RASGRF1: variants seen among roughly 807,000 people sequenced by gnomAD.
RASGRF1 encodes Ras protein specific guanine nucleotide releasing factor 1.
RASGRF1 carries 40 observed loss-of-function variants against 138.7 expected under a neutral mutation model. The ratio of observed to expected loss-of-function variants is 0.29; its 90% CI spans 0.22 to 0.38. The LOEUF (loss-of-function observed/expected upper bound fraction) is 0.38, where lower values mean the gene tolerates loss of function less well. RASGRF1 is among the 10% of genes least tolerant of loss of function. RASGRF1 has a pLI of 1.00. For missense variants in RASGRF1, 1,108 were observed against 1,650.4 expected (o/e 0.67, Z 5.69); for synonymous variants, 614 against 663.2 (o/e 0.93, Z 1.14).
intron 20 of RASGRF1, 72 bp downstream of exon 20, chr15:78,995,668 G>T: frequency 1.3e-6 from 2 of 1,537,262 alleles, no homozygotes; most frequent in African/African-American, 1.4e-5. Flanking sequence ...TGATGCCTGT[G>T]ATGGGTCAGG....
Position 79,006,443 on chromosome 15 carries a change from G to T in RASGRF1, c.1827-9C>A. 1 of 1,607,640 alleles carries T rather than the reference G, an allele frequency of 6.2e-7. No individual in the cohort carries two copies. The highest frequency in any genetic ancestry group is 8.5e-7 in the Non-Finnish European group (1 of 1,177,872). The stretch of plus-strand genomic sequence containing the variant: ...ATAAGGAGGCGTCGGACCTGAGAGG[G>T]GAGGAAGGATGCAGAGGTGATGTGG... On this transcript the variant is annotated splice_polypyrimidine_tract_variant and intron_variant, in intron 13 of 26. Transcript: ENST00000558480. The surrounding 1 kb of genome is among the most constrained non-coding windows in gnomAD (Gnocchi z 4.0).
At chr15:79,075,524 TG>T (rs1362023179) in intron 1 of RASGRF1, among the ~76,000 whole-genome samples, 1 of 152,188 alleles carries the variant, frequency 6.6e-6, no homozygotes, top group Non-Finnish European at 1.5e-5. Context: ...AAGCTGGGGC[TG>T]GGGGCTTGAA....
intron 13 of RASGRF1, among the ~76,000 whole-genome samples, chr15:79,007,761 C>T (rs1395691532): frequency 6.6e-6 from 1 of 152,022 alleles, no homozygotes; most frequent in Non-Finnish European, 1.5e-5. Flanking sequence ...CCATGTTGCC[C>T]AGGCTGGTCT....
intron 24 of RASGRF1, among the ~76,000 whole-genome samples, chr15:78,974,496 T>C (rs1462249019): frequency 6.6e-6 from 1 of 152,188 alleles, no homozygotes; most frequent in Admixed American, 6.5e-5. Context: ...TCTTTCCCTC[T>C]CTGGTCCTCA....
intron 1 of RASGRF1, among the ~76,000 whole-genome samples, chr15:79,069,535 T>C (rs527729605): frequency 7.2e-5 from 11 of 152,364 alleles, no homozygotes; most frequent in African/African-American, 2.6e-4. Flanking sequence ...TGCCAACCAA[T>C]TTCCCATCTT....
chr15:78,995,610 C>T, intron 20 of RASGRF1, 130 bp downstream of exon 20: 1 of 1,161,888 alleles, frequency 8.6e-7, no homozygotes, highest in Non-Finnish European at 1.3e-6. Flanking sequence ...TTTTAAGCCG[C>T]CCAGTTTGTG....
chr15:79,076,153 A>G (rs939153600), intron 1 of RASGRF1, among the ~76,000 whole-genome samples: 1 of 152,188 alleles, frequency 6.6e-6, no homozygotes, highest in African/African-American at 2.4e-5. Context: ...TTCTCAACTC[A>G]TATCATAATG....
intron 13 of RASGRF1, among the ~76,000 whole-genome samples, chr15:79,010,523 G>A (rs1489149710): frequency 1.3e-5 from 2 of 152,208 alleles, no homozygotes; most frequent in Non-Finnish European, 2.9e-5. Context: ...TGACTGGCTT[G>A]AGTGCCAGAT....
At chr15:78,984,118 G>C (rs1470854214) in intron 23 of RASGRF1, among the ~76,000 whole-genome samples, 2 of 152,166 alleles carry the variant, frequency 1.3e-5, no homozygotes, top group Admixed American at 6.5e-5. Context: ...AGAACAATGA[G>C]GGGGACACAG....
chr15:79,051,816 T>C (rs1361193770), intron 3 of RASGRF1, among the ~76,000 whole-genome samples: 2 of 151,938 alleles, frequency 1.3e-5, no homozygotes, highest in South Asian at 2.1e-4. Context: ...CTCTGGAGGG[T>C]TGCAAGCCTG....
intron 1 of RASGRF1, among the ~76,000 whole-genome samples, chr15:79,070,340 T>A (rs1398047577): frequency 2.0e-5 from 3 of 152,032 alleles, no homozygotes; most frequent in Non-Finnish European, 4.4e-5. Context: ...AGCATATAAC[T>A]GGGAAAAAAG....
At chr15:79,003,737 G>A in intron 15 of RASGRF1, 65 bp downstream of exon 15, 3 of 1,522,806 alleles carry the variant, frequency 2.0e-6, no homozygotes, top group Non-Finnish European at 2.6e-6. Context: ...AGGCCTTGCT[G>A]GGCCAGGCTG....
intron 19 of RASGRF1, 32 bp downstream of exon 19, chr15:78,998,064 G>A (rs774167854): frequency 2.1e-5 from 33 of 1,573,398 alleles, no homozygotes; most frequent in Non-Finnish European, 2.7e-5. Context: ...CCAGCAGGCA[G>A]TTCTGAGCCA....
chr15:79,086,527 T>C (rs1218671722), intron 1 of RASGRF1, among the ~76,000 whole-genome samples: 2 of 151,932 alleles, frequency 1.3e-5, no homozygotes, highest in African/African-American at 2.4e-5. Flanking sequence ...TGGGGCTTTG[T>C]CTTGTCTCTA....
intron 2 of RASGRF1, among the ~76,000 whole-genome samples, chr15:79,060,070 C>A (rs575913140): frequency 6.6e-6 from 1 of 150,846 alleles, no homozygotes; most frequent in Non-Finnish European, 1.5e-5. Context: ...TTATAGTGTC[C>A]GCCTCTGGTC....
At chr15:79,009,376 G>GT (rs1364776924) in intron 13 of RASGRF1, among the ~76,000 whole-genome samples, 1 of 152,228 alleles carries the variant, frequency 6.6e-6, no homozygotes, top group Non-Finnish European at 1.5e-5. Context: ...GCAACATCGA[G>GT]TAAGGGCTAC....
chr15:79,030,271 G>A (rs1465658818), intron 8 of RASGRF1, among the ~76,000 whole-genome samples: 1 of 152,130 alleles, frequency 6.6e-6, no homozygotes, highest in Non-Finnish European at 1.5e-5. Flanking sequence ...CCTGGGTAGG[G>A]CCGGGGCTGG....
chr15:79,046,590 T>C lies in RASGRF1; in HGVS notation c.878+156A>G, dbSNP rs986578396. 5.9e-5 allele frequency among the ~76,000 whole-genome samples: 9 copies of C among 152,096 alleles called. No individual in the cohort carries two copies. Among genetic ancestry groups the C allele is most frequent in the Admixed American group, 3.9e-4 (6 of 15,278 alleles). On this transcript the variant is annotated intron_variant, in intron 5 of 26. Transcript: ENST00000558480. This position sits in a 1 kb window ranked among gnomAD's most constrained non-coding sequence, Gnocchi z 5.3. ...GCCCCAGACCCCACAATTATTGGGGTTGGTGGTTTCTAGCCACGTGATCTT... is the reference window on the plus strand; with the variant it reads ...GCCCCAGACCCCACAATTATTGGGGCTGGTGGTTTCTAGCCACGTGATCTT...
chr15:78,970,390 G>A (rs1309836562), intron 26 of RASGRF1, among the ~76,000 whole-genome samples: 7 of 152,002 alleles, frequency 4.6e-5, no homozygotes, highest in Non-Finnish European at 7.4e-5. Context: ...GCATAGTGGC[G>A]TGCCAGACCA....
Sources: gnomAD v4.1 joint callset for allele counts (sites outside exome capture counted in the v4.1 genomes callset) on GRCh38, gnomAD v4.1.1 for gene constraint, Gnocchi (gnomAD v3.1) non-coding constraint, MANE v1.5 for transcripts, NCBI Gene and HGNC (gene_info 2026-07-23, HGNC 2026-07-21) for gene names.